Variants in MAP4K3 observed in about 807,000 individuals in gnomAD.
MAP4K3 encodes the protein mitogen-activated protein kinase kinase kinase kinase 3.
In MAP4K3, 94 loss-of-function variants were observed where a neutral mutation model predicts 143.5. The observed-to-expected ratio is 0.65, with a 90% CI of 0.55 to 0.78. The LOEUF is 0.78. MAP4K3 is among the 30% of genes least tolerant of loss of function. The pLI is 0.00. For synonymous variants in MAP4K3, 416 were observed against 347.2 expected (o/e 1.20, Z -2.20); for missense variants, 1,077 against 1,068.1 (o/e 1.01, Z -0.12).
At position 39,315,621 on chromosome 2, in the gene MAP4K3, C is replaced by T. The variant is rs2148505397; in HGVS notation, c.919-233G>A. ...AAATTATTATTTGTACTAGAAAGGG[C>T]ACTTCTTTGGCTAAATACATATGAA... On this transcript the variant is annotated intron_variant, in intron 12 of 33. Transcript: ENST00000263881. The T allele has an allele frequency of 2.0e-5, 9 of 458,038 alleles. No homozygotes were observed. In the South Asian group the frequency reaches 2.2e-4, roughly 11 times the overall value. The allele number at this position is 458,038 out of a possible 1,614,324, so 28.4% of individuals were successfully genotyped here.
chr2:39,375,051 AG>A (rs1666180844), intron 2 of MAP4K3, among the ~76,000 whole-genome samples: 1 of 152,222 alleles, frequency 6.6e-6, no homozygotes, highest in African/African-American at 2.4e-5. Context: ...TCTTGAGACC[AG>A]GTATTCAAGA....
At chr2:39,255,670 T>A (rs1680314131) in intron 31 of MAP4K3, among the ~76,000 whole-genome samples, 2 of 152,324 alleles carry the variant, frequency 1.3e-5, no homozygotes, top group South Asian at 4.1e-4. Context: ...CTTTGGCTCT[T>A]CCATATAAAT....
At chr2:39,273,192 T>TA (rs771824904) in intron 24 of MAP4K3, among the ~76,000 whole-genome samples, 9 of 151,386 alleles carry the variant, frequency 5.9e-5, no homozygotes, top group African/African-American at 1.5e-4. Context: ...TCTATATATT[T>TA]AAAAAAAAAT....
intron 15 of MAP4K3, among the ~76,000 whole-genome samples, chr2:39,301,613 T>C (rs1217636733): frequency 1.3e-5 from 2 of 152,158 alleles, no homozygotes; most frequent in South Asian, 2.1e-4. Context: ...TCTTCTGTTA[T>C]ACAAACACAG....
chr2:39,414,467 C>A (rs573163307), intron 1 of MAP4K3, among the ~76,000 whole-genome samples: 2 of 152,070 alleles, frequency 1.3e-5, no homozygotes, highest in Non-Finnish European at 2.9e-5. Flanking sequence ...CTTCAGAAAA[C>A]ATTTCAGTAA....
At chr2:39,338,528 A>G (rs1665046183) in intron 4 of MAP4K3, among the ~76,000 whole-genome samples, 1 of 152,228 alleles carries the variant, frequency 6.6e-6, no homozygotes, top group South Asian at 2.1e-4. Context: ...AACTATTTGT[A>G]TCTCAGAAAC....
intron 23 of MAP4K3, among the ~76,000 whole-genome samples, chr2:39,278,873 C>T (rs1030569483): frequency 6.6e-6 from 1 of 152,078 alleles, no homozygotes; most frequent in East Asian, 1.9e-4. Context: ...ATTATTTCTA[C>T]AGAATTTTTT....
intron 12 of MAP4K3, among the ~76,000 whole-genome samples, chr2:39,316,970 A>G (rs1334592026): frequency 1.3e-5 from 2 of 152,182 alleles, no homozygotes; most frequent in Admixed American, 1.3e-4. Flanking sequence ...TCTGAAGCAA[A>G]AAGAACAACA....
At chr2:39,364,619 G>A (rs1420214396) in intron 2 of MAP4K3, among the ~76,000 whole-genome samples, 3 of 152,226 alleles carry the variant, frequency 2.0e-5, no homozygotes, top group Non-Finnish European at 4.4e-5. Flanking sequence ...TGTAATGCCA[G>A]CACTTTGGAA....
chr2:39,256,261 T>C (rs1203010143), intron 31 of MAP4K3, among the ~76,000 whole-genome samples: 1 of 152,242 alleles, frequency 6.6e-6, no homozygotes, highest in Non-Finnish European at 1.5e-5. Flanking sequence ...GATCTTTTTA[T>C]CTTTCTTTCT....
intron 2 of MAP4K3, among the ~76,000 whole-genome samples, chr2:39,359,672 G>A (rs926457132): frequency 6.6e-5 from 10 of 152,254 alleles, no homozygotes; most frequent in Non-Finnish European, 5.9e-5. Context: ...TATATCCTTG[G>A]AAATCTAGCC....
chr2:39,257,005 T>C (rs1420487203), intron 31 of MAP4K3, among the ~76,000 whole-genome samples: 2 of 152,236 alleles, frequency 1.3e-5, no homozygotes, highest in Non-Finnish European at 2.9e-5. Context: ...CATTTTAACA[T>C]CTTGATCAGA....
At position 39,406,041 on chromosome 2, in the gene MAP4K3, C is replaced by A. The variant is rs532400273; in HGVS notation, c.97-27918G>T. Reference sequence around the variant, plus strand: ...CTATCAGATAAATTTAACAAAGACACTGAAATAATTAAATAGAATCAAGCA... The same window carrying A: ...CTATCAGATAAATTTAACAAAGACAATGAAATAATTAAATAGAATCAAGCA... On this transcript the variant is annotated intron_variant, in intron 1 of 33. Coordinates refer to ENST00000263881, the MANE Select transcript of MAP4K3 (RefSeq NM_003618.4). 8.8e-4 allele frequency among the ~76,000 whole-genome samples: 134 copies of A among 152,022 alleles called. 1 individual carries two copies. The highest frequency in any genetic ancestry group is 1.6e-3 in the Non-Finnish European group (112 of 67,956).
Position 39,258,335 on chromosome 2 carries a change from A to C in MAP4K3, c.2470+13T>G. 3 of 1,530,880 alleles carry C rather than the reference A, an allele frequency of 2.0e-6. No homozygotes were observed. The African/African-American group carries it at 4.2e-5, about 21-fold the overall frequency. 94.8% of individuals were successfully genotyped at this position (1,530,880 alleles called of 1,614,324 possible). A position where few individuals can be genotyped will look rare whatever the true frequency, so the allele number is the denominator to read the frequency against. ...GAGTTCATAATGCAAAGAATTATAA[A>C]ACTTTGACTTACCTATTGATTCAAT... is the stretch of plus-strand genomic sequence containing the variant. On this transcript the variant is annotated intron_variant, in intron 31 of 33. Transcript: ENST00000263881.
intron 2 of MAP4K3, among the ~76,000 whole-genome samples, chr2:39,360,599 T>A (rs987111182): frequency 6.6e-6 from 1 of 152,304 alleles, no homozygotes; most frequent in East Asian, 1.9e-4. Context: ...AATAAAGACC[T>A]ACCAAAGACT....
chr2:39,417,736 G>C lies in MAP4K3; in HGVS notation c.96+19156C>G, dbSNP rs143264187. On this transcript the variant is annotated intron_variant, in intron 1 of 33. Coordinates refer to ENST00000263881, the MANE Select transcript of MAP4K3 (RefSeq NM_003618.4). ...GCTTCATCTACTAAGAGAAATCCTA[G>C]AATCAATGACACGCCAACAGCAAAC... Among the ~76,000 whole-genome samples the C allele has an allele frequency of 1.5e-3, 227 of 152,262 alleles. 3 individuals are homozygous for C. In the East Asian group the frequency reaches 0.02, roughly 13 times the overall value.
chr2:39,434,851 T>C (rs1665403516), intron 1 of MAP4K3, among the ~76,000 whole-genome samples: 1 of 152,238 alleles, frequency 6.6e-6, no homozygotes, highest in Non-Finnish European at 1.5e-5. Flanking sequence ...AAGCATTCCA[T>C]AAACATCAGC....
chr2:39,390,455 C>T (rs534084649), intron 1 of MAP4K3, among the ~76,000 whole-genome samples: 1 of 152,246 alleles, frequency 6.6e-6, no homozygotes, highest in East Asian at 1.9e-4. Flanking sequence ...GAGGTGAGCC[C>T]CAGGAACCTA....
At chr2:39,385,788 C>A (rs1188191509) in intron 1 of MAP4K3, among the ~76,000 whole-genome samples, 1 of 151,632 alleles carries the variant, frequency 6.6e-6, no homozygotes, top group Non-Finnish European at 1.5e-5. Flanking sequence ...TGCCACCACA[C>A]CCGGCTAATT....
Sources: gnomAD v4.1 joint callset for allele counts (sites outside exome capture counted in the v4.1 genomes callset) on GRCh38, gnomAD v4.1.1 for gene constraint, MANE v1.5 for transcripts, NCBI Gene and HGNC (gene_info 2026-07-23, HGNC 2026-07-21) for gene names.